Variants in TENM3 observed in about 807,000 individuals in gnomAD.
TENM3 encodes teneurin-3.
In TENM3, 63 loss-of-function variants were observed where a neutral mutation model predicts 255.1. The observed-to-expected ratio is 0.25, with a 90% CI of 0.20 to 0.30. The LOEUF (loss-of-function observed/expected upper bound fraction) is 0.30. Ranked by LOEUF, TENM3 falls within the 10% of genes least tolerant of loss-of-function variation. The pLI, the probability that TENM3 is intolerant of heterozygous loss-of-function variation, is 1.00. For missense variants in TENM3, 2,929 were observed against 3,461.1 expected (o/e 0.85, Z 3.86); for synonymous variants, 1,306 against 1,322.3 (o/e 0.99, Z 0.27).
At chr4:182,051,320 G>C in the TENM3 span, among the ~76,000 whole-genome samples, 1 of 151,184 alleles carries the variant, frequency 6.6e-6, no homozygotes, top group Non-Finnish European at 1.5e-5. Context: ...TCCAGCCTGG[G>C]CGACAAGAGC....
chr4:182,293,733 C>T (rs1055059467), intron 1 of TENM3, among the ~76,000 whole-genome samples: 1 of 151,744 alleles, frequency 6.6e-6, no homozygotes, highest in African/African-American at 2.4e-5. Context: ...CCGCTGCCTC[C>T]TCCACATGCT....
chr4:181,870,776 A>T, the TENM3 span, among the ~76,000 whole-genome samples: 1 of 151,972 alleles, frequency 6.6e-6, no homozygotes, highest in African/African-American at 2.4e-5. Context: ...TTTCTTAATG[A>T]TGCCTTATGA....
chr4:182,460,500 T>C (rs1032387926), intron 3 of TENM3, among the ~76,000 whole-genome samples: 4 of 152,130 alleles, frequency 2.6e-5, no homozygotes, highest in Admixed American at 6.5e-5. Flanking sequence ...TGAGAAAATA[T>C]ATACCAGCTA....
At chr4:181,960,152 G>C in the TENM3 span, among the ~76,000 whole-genome samples, 15 of 152,292 alleles carry the variant, frequency 9.8e-5, no homozygotes, top group East Asian at 2.3e-3. Flanking sequence ...TGCAATTTGT[G>C]TATATTCTTA....
the TENM3 span, among the ~76,000 whole-genome samples, chr4:181,726,643 G>A: frequency 1.3e-5 from 2 of 152,242 alleles, no homozygotes; most frequent in Middle Eastern, 3.4e-3. Context: ...AAATCTGTAG[G>A]GGTTTCTCCC....
chr4:181,981,045 C>T, the TENM3 span, among the ~76,000 whole-genome samples: 1 of 152,094 alleles, frequency 6.6e-6, no homozygotes, highest in African/African-American at 2.4e-5. Context: ...TCCAACACCC[C>T]CATGCGTGCC....
At chr4:182,075,411 G>C in the TENM3 span, among the ~76,000 whole-genome samples, 1 of 152,006 alleles carries the variant, frequency 6.6e-6, no homozygotes, top group Admixed American at 6.6e-5. Context: ...TGTTGGCCAG[G>C]ATGGTCTCGA....
the TENM3 span, among the ~76,000 whole-genome samples, chr4:181,770,096 T>TG: frequency 6.6e-6 from 1 of 152,092 alleles, no homozygotes; most frequent in South Asian, 2.1e-4. Flanking sequence ...ATATGCAGTT[T>TG]GGGGCTGGGG....
At chr4:182,378,780 A>C (rs911426222) in intron 3 of TENM3, among the ~76,000 whole-genome samples, 1 of 152,184 alleles carries the variant, frequency 6.6e-6, no homozygotes, top group Non-Finnish European at 1.5e-5. Context: ...TTTTTCTCCC[A>C]AAATTGCAAT....
chr4:182,450,415 C>T (rs1245151751), intron 3 of TENM3, among the ~76,000 whole-genome samples: 1 of 151,614 alleles, frequency 6.6e-6, no homozygotes, highest in South Asian at 2.1e-4. Context: ...TTTTTTTTTC[C>T]AGCGGACTCC....
chr4:181,550,115 G>A, the TENM3 span, among the ~76,000 whole-genome samples: 2 of 152,064 alleles, frequency 1.3e-5, no homozygotes, highest in African/African-American at 4.8e-5. Context: ...ACAGTGTATG[G>A]GAGACAGTAT....
chr4:181,977,518 GAC>G, the TENM3 span, among the ~76,000 whole-genome samples: 1 of 152,128 alleles, frequency 6.6e-6, no homozygotes, highest in Non-Finnish European at 1.5e-5. Context: ...AAAATGAAGA[GAC>G]AGTTCTGGAA....
At chr4:181,943,206 C>A in the TENM3 span, among the ~76,000 whole-genome samples, 1 of 152,058 alleles carries the variant, frequency 6.6e-6, no homozygotes, top group South Asian at 2.1e-4. Flanking sequence ...TGTATTTGAG[C>A]ATAGAAGATT....
chr4:181,930,602 G>A, the TENM3 span, among the ~76,000 whole-genome samples: 6 of 152,004 alleles, frequency 3.9e-5, no homozygotes, highest in South Asian at 4.2e-4. Flanking sequence ...AGAGGAGCTG[G>A]TACCACTCCT....
At chr4:182,282,383 T>C (rs954104569) in intron 1 of TENM3, among the ~76,000 whole-genome samples, 2 of 152,222 alleles carry the variant, frequency 1.3e-5, no homozygotes, top group African/African-American at 4.8e-5. Flanking sequence ...ATGTGCTGTG[T>C]TAAAGAAGCA....
At chr4:182,521,299 A>T (rs940860311) in intron 3 of TENM3, among the ~76,000 whole-genome samples, 1 of 152,200 alleles carries the variant, frequency 6.6e-6, no homozygotes, top group Admixed American at 6.5e-5. Context: ...CCTTTCATAT[A>T]TTTATCAAGA....
the TENM3 span, among the ~76,000 whole-genome samples, chr4:181,475,037 C>CT: frequency 1.1e-3 from 172 of 152,280 alleles, 2 homozygotes; most frequent in African/African-American, 4.1e-3. Flanking sequence ...GAAGATACAC[C>CT]TACCGGAGAT....
intron 3 of TENM3, among the ~76,000 whole-genome samples, chr4:182,462,031 C>T (rs1482939528): frequency 6.6e-6 from 1 of 151,608 alleles, no homozygotes; most frequent in Admixed American, 6.6e-5. Context: ...TTGCAAACTG[C>T]CTCATATCTT....
the TENM3 span, among the ~76,000 whole-genome samples, chr4:182,100,843 A>G: frequency 0.019 from 15 of 796 alleles, 3 homozygotes; most frequent in Non-Finnish European, 0.098. Flanking sequence ...ATATATACTC[A>G]TATATATATA....
Sources: gnomAD v4.1 joint callset for allele counts (sites outside exome capture counted in the v4.1 genomes callset) on GRCh38, gnomAD v4.1.1 for gene constraint, MANE v1.5 for transcripts, NCBI Gene and HGNC (gene_info 2026-07-23, HGNC 2026-07-21) for gene names.